The following ZBTB4 variants were observed in gnomAD, a reference collection of about 807,000 sequenced individuals.
ZBTB4 encodes the protein zinc finger and BTB domain-containing protein 4.
In ZBTB4, 14 loss-of-function variants were observed where a neutral mutation model predicts 59.8. The observed-to-expected ratio is 0.23, with a 90% CI of 0.15 to 0.37. ZBTB4 has a LOEUF of 0.37. Among genes scored for constraint, ZBTB4 ranks in the 10% least tolerant of loss-of-function variants. The pLI is 1.00. For missense variants in ZBTB4, 1,198 were observed against 1,380.8 expected, an observed-to-expected ratio of 0.87 and a Z score of 2.10; for synonymous variants, 587 against 575.2, an observed-to-expected ratio of 1.02 and a Z score of -0.29.
At chr17:7,468,651 G>A (rs974609665) in intron 1 of ZBTB4, among the ~76,000 whole-genome samples, 1 of 152,170 alleles carries the variant, frequency 6.6e-6, no homozygotes, top group Non-Finnish European at 1.5e-5. Flanking sequence ...CAAAGCCTGG[G>A]AGCTGTCACC....
chr17:7,477,896 G>A lies in ZBTB4; in HGVS notation c.-81+1560C>T, dbSNP rs551301166. ...TCCTCCGGGTGACCCTGACACGCTG[G>A]GCAGGCTCATGAGGGGCAAACATAC... On this transcript the variant is annotated intron_variant, in intron 1 of 3. Transcript: ENST00000380599. Among the ~76,000 whole-genome samples the A allele has an allele frequency of 4.6e-5, 7 of 152,202 alleles. No individual in the cohort carries two copies. The South Asian group carries it at 1.5e-3, about 32-fold the overall frequency.
At position 7,461,594 on chromosome 17, in the gene ZBTB4, G is replaced by A. The variant is rs1029538805; in HGVS notation, c.*346C>T. 9 of 213,326 alleles carry A rather than the reference G, an allele frequency of 4.2e-5. No individual in the cohort carries two copies. Among genetic ancestry groups the A allele is most frequent in the Non-Finnish European group, 3.7e-5 (4 of 107,736 alleles). The allele number at this position is 213,326 out of a possible 1,614,324, so 13.2% of individuals were successfully genotyped here. A position where few individuals can be genotyped will look rare whatever the true frequency, so the allele number is the denominator to read the frequency against. ...TTTCCCCTAGGTTTACGAATCAGGG[G>A]AGCAGGTTAGACATTCAGAGCTGGT... On this transcript the variant is annotated 3_prime_UTR_variant, in exon 4 of 4. Transcript: ENST00000380599.
intron 1 of ZBTB4, among the ~76,000 whole-genome samples, chr17:7,471,710 C>G (rs988715916): frequency 6.6e-6 from 1 of 152,166 alleles, no homozygotes; most frequent in African/African-American, 2.4e-5. Context: ...GTATCTGTTT[C>G]TTTGTCCATA....
rs2070024819 is a variant in ZBTB4, at chr17:7,461,882, A to G, written c.*58T>C. ...GGGGCAGGGAGGCCAGGGAGCTGGT[A>G]GTGGTGGGGGGTTCAGGGAGGGTGG... is the stretch of plus-strand genomic sequence containing the variant. On this transcript the variant is annotated 3_prime_UTR_variant, in exon 4 of 4. Coordinates refer to ENST00000380599, the MANE Select transcript of ZBTB4 (RefSeq NM_001128833.2). The G allele has an allele frequency of 7.0e-7, 1 of 1,425,762 alleles. No homozygotes were observed. Among genetic ancestry groups the G allele is most frequent in the Non-Finnish European group, 9.5e-7 (1 of 1,056,312 alleles). 88.3% of individuals were successfully genotyped at this position (1,425,762 alleles called of 1,614,324 possible). A position where few individuals can be genotyped will look rare whatever the true frequency, so the allele number is the denominator to read the frequency against.
At chr17:7,475,283 G>A (rs1380908617) in intron 1 of ZBTB4, among the ~76,000 whole-genome samples, 4 of 151,922 alleles carry the variant, frequency 2.6e-5, no homozygotes, top group Admixed American at 6.6e-5. Context: ...GGAGGTTGCA[G>A]TGAGCCAAGA....
In ZBTB4 at chr17:7,463,870, C is replaced by G; in HGVS notation, c.1112G>C (p.Trp371Ser). The change falls in exon 4 of 4, where the codon TGG (tryptophan) becomes TCG (serine). Residue 371 changes from tryptophan (W) to serine (S), a missense_variant. Trp to Ser is a radical substitution (Grantham distance 177, BLOSUM62 -3). Around this residue, in one of 9 missense-constraint regions of ZBTB4, gnomAD observed 60 missense variants for 93.0 expected, o/e 0.64. Coordinates refer to ENST00000380599, the MANE Select transcript of ZBTB4 (RefSeq NM_001128833.2). ...GTTATAGTAAGTGACAAAGGTCTCC[C>G]AACAGAAGATGCACTGGTACCTGGG... is the stretch of plus-strand genomic sequence containing the variant. ...GERRYQCIFC[W>S]ETFVTYYNLK... 1 of 1,613,598 alleles carries G rather than the reference C, an allele frequency of 6.2e-7. No homozygotes were observed. Among genetic ancestry groups the G allele is most frequent in the Non-Finnish European group, 8.5e-7 (1 of 1,179,798 alleles).
At chr17:7,482,237 C>T, upstream of ZBTB4, 1 of 1,614,010 alleles carries the variant, frequency 6.2e-7, no homozygotes, top group Non-Finnish European at 8.5e-7. Context: ...CCCTATTGCC[C>T]TGCTACTTAA....
chr17:7,481,271 A>C, upstream of ZBTB4: 1 of 381,036 alleles, frequency 2.6e-6, no homozygotes. Flanking sequence ...TGGAGGTTGC[A>C]GTGAGATGAG....
At chr17:7,475,629 G>T (rs966976150) in intron 1 of ZBTB4, among the ~76,000 whole-genome samples, 1 of 152,062 alleles carries the variant, frequency 6.6e-6, no homozygotes, top group African/African-American at 2.4e-5. Context: ...GTAGAGACAG[G>T]GTTTCTCCAT....
chr17:7,463,645 G>T lies in ZBTB4; in HGVS notation c.1337C>A (p.Pro446Gln). 3.7e-6 allele frequency: 6 copies of T among 1,612,188 alleles called. No individual in the cohort carries two copies. Among genetic ancestry groups the T allele is most frequent in the Non-Finnish European group, 5.1e-6 (6 of 1,179,186 alleles). The change falls in exon 4 of 4, where the codon CCG becomes CAG. Residue 446 changes from proline (P) to glutamine (Q), a missense_variant. Coordinates refer to ENST00000380599, the MANE Select transcript of ZBTB4 (RefSeq NM_001128833.2). Reference sequence around the variant, plus strand: ...GCTGGCTGGCATTGCCACAGGGGCCGGTGTGTTGAGGGTTGGAGAAAGGGG... The same window carrying T: ...GCTGGCTGGCATTGCCACAGGGGCCTGTGTGTTGAGGGTTGGAGAAAGGGG... ...EAPLSPTLNT[P>Q]APVAMPASPP... is the part of the protein sequence containing the mutation.
intron 1 of ZBTB4, among the ~76,000 whole-genome samples, chr17:7,468,070 C>T (rs1033277806): frequency 1.3e-5 from 2 of 152,196 alleles, no homozygotes; most frequent in South Asian, 2.1e-4. Context: ...CTGGGAGACT[C>T]GTCCAGAGGG....
rs747137419 is a variant in ZBTB4, at chr17:7,466,100, G to C, written c.702C>G (p.Leu234=). The C allele has an allele frequency of 6.2e-7, 1 of 1,606,568 alleles. No homozygotes were observed. The highest frequency in any genetic ancestry group is 8.5e-7 in the Non-Finnish European group (1 of 1,175,642). The part of the protein sequence containing the change: ...DLQCSLPRRP[L]PCPQCGKSFI... Reference sequence around the variant, plus strand: ...AGCTTTTTCCACACTGGGGGCAGGGGAGGGGCCGCCGGGGCAGGGAGCACT... The same window carrying C: ...AGCTTTTTCCACACTGGGGGCAGGGCAGGGGCCGCCGGGGCAGGGAGCACT... The change falls in exon 3 of 4, where the codon CTC becomes CTG. Residue 234 remains leucine, a synonymous_variant. Transcript: ENST00000380599. The surrounding 1 kb of genome is among the most constrained non-coding windows in gnomAD (Gnocchi z 9.1).
rs552695786 is a variant in ZBTB4, at chr17:7,464,869, A to G, written c.1091+842T>C. The stretch of plus-strand genomic sequence containing the variant: ...AAAAAATGCCGTCTTAAAAAAAAAA[A>G]AATGCCGCCGGGCGCGGTGGCTCAT... On this transcript the variant is annotated intron_variant, in intron 3 of 3. Transcript: ENST00000380599. Among the ~76,000 whole-genome samples the G allele has an allele frequency of 4.0e-5, 6 of 148,640 alleles. No individual in the cohort carries two copies. The East Asian group carries it at 1.0e-3, about 25-fold the overall frequency.
upstream of ZBTB4, among the ~76,000 whole-genome samples, chr17:7,479,870 G>C (rs1363125990): frequency 6.6e-6 from 1 of 151,640 alleles, no homozygotes; most frequent in Non-Finnish European, 1.5e-5. Context: ...TCCCGGCAGG[G>C]GCGCAAGACC....
chr17:7,468,459 A>C (rs1428151124), intron 1 of ZBTB4, among the ~76,000 whole-genome samples: 1 of 152,218 alleles, frequency 6.6e-6, no homozygotes, highest in African/African-American at 2.4e-5. Context: ...AGCACCGCGC[A>C]GCCACCTTCC....
In ZBTB4 at chr17:7,462,378, T is replaced by A. The variant is rs749055501; in HGVS notation, c.2604A>T (p.Val868=). The change falls in exon 4 of 4, where the codon GTA becomes GTT. Residue 868 remains valine, a synonymous_variant. Coordinates refer to ENST00000380599, the MANE Select transcript of ZBTB4 (RefSeq NM_001128833.2). This position sits in a 1 kb window ranked among gnomAD's most constrained non-coding sequence, Gnocchi z 7.5. The stretch of plus-strand genomic sequence containing the variant: ...GTGGAAATTCCTGCACAGGTGGGTA[T>A]ACATAGCTGCCCCCGCTTGCCACTA... ...PPVVASGGSY[V]YPPVQEFPLA... The A allele has an allele frequency of 3.7e-6, 6 of 1,613,902 alleles. No individual in the cohort carries two copies. Among genetic ancestry groups the A allele is most frequent in the Non-Finnish European group, 5.1e-6 (6 of 1,179,978 alleles).
At chr17:7,483,321 A>C, upstream of ZBTB4, 2 of 456,586 alleles carry the variant, frequency 4.4e-6, no homozygotes, top group Non-Finnish European at 4.0e-6. Flanking sequence ...CAGCAAAGAG[A>C]AGAGCATTGG....
intron 1 of ZBTB4, among the ~76,000 whole-genome samples, chr17:7,467,873 C>T (rs747976372): frequency 6.6e-6 from 1 of 152,190 alleles, no homozygotes; most frequent in Non-Finnish European, 1.5e-5. Flanking sequence ...GGGTTTCTGG[C>T]GCAGCTGCCA....
In ZBTB4 at chr17:7,461,764, G is replaced by A. The variant is rs551090106; in HGVS notation, c.*176C>T. The A allele has an allele frequency of 3.1e-5, 16 of 522,656 alleles. No homozygotes were observed. The highest frequency in any genetic ancestry group is 5.2e-4 in the Middle Eastern group (1 of 1,938). The allele number at this position is 522,656 out of a possible 1,614,324, so 32.4% of individuals were successfully genotyped here. A position where few individuals can be genotyped will look rare whatever the true frequency, so the allele number is the denominator to read the frequency against. On this transcript the variant is annotated 3_prime_UTR_variant, in exon 4 of 4. Transcript: ENST00000380599. ...GGAACCTCGAAAGATCCCTTCCCAG[G>A]AGATGGGAAAACTACATCTCACACA...
Sources: allele counts gnomAD v4.1 joint callset (sites outside exome capture counted in the v4.1 genomes callset), GRCh38; gene constraint gnomAD v4.1.1; regional missense constraint gnomAD v4.1.1; non-coding constraint Gnocchi (gnomAD v3.1); transcripts MANE v1.5; gene names NCBI Gene and HGNC (gene_info 2026-07-23, HGNC 2026-07-21).